The following MCF2L2 variants were observed in gnomAD, a reference collection of about 807,000 sequenced individuals.
MCF2L2 encodes probable guanine nucleotide exchange factor MCF2L2.
In MCF2L2, 102 loss-of-function variants were observed where a neutral mutation model predicts 150.2. That is an observed-to-expected ratio of 0.68 (90% CI 0.58 to 0.80). The LOEUF (loss-of-function observed/expected upper bound fraction) is 0.80, where lower values mean the gene tolerates loss of function less well. MCF2L2 is among the 30% of genes least tolerant of loss of function. MCF2L2 has a pLI of 0.00. For synonymous variants in MCF2L2, 465 were observed against 491.3 expected, an observed-to-expected ratio of 0.95 and a Z score of 0.71; for missense variants, 1,256 against 1,372.8, an observed-to-expected ratio of 0.91 and a Z score of 1.34.
rs541742143 is a variant in MCF2L2 at position 183,181,452 on chromosome 3, A to C, written c.3017-1293T>G. On this transcript the variant is annotated intron_variant, in intron 27 of 29. Coordinates refer to ENST00000328913, the MANE Select transcript of MCF2L2 (RefSeq NM_015078.4). The surrounding 1 kb of genome is among the most constrained non-coding windows in gnomAD (Gnocchi z 4.3). ...TCCTGGTTGAGTTCCTAGTCCCAGG[A>C]GGTGGGAGGGGCAAGGGGTGGAGGG... 6.6e-6 allele frequency among the ~76,000 whole-genome samples: 1 copy of C among 151,842 alleles called. No homozygotes were observed. Among genetic ancestry groups the C allele is most frequent in the African/African-American group, 2.4e-5 (1 of 41,440 alleles).
At position 183,305,900 on chromosome 3, in the gene MCF2L2, G is replaced by C. The variant is rs138444848; in HGVS notation, c.1113+3816C>G. Among the ~76,000 whole-genome samples, 14 of 152,316 alleles carry C rather than the reference G, an allele frequency of 9.2e-5. No individual in the cohort carries two copies. The highest frequency in any genetic ancestry group is 3.4e-4 in the African/African-American group (14 of 41,586). On this transcript the variant is annotated intron_variant, in intron 10 of 29. Transcript: ENST00000328913. This position sits in a 1 kb window ranked among gnomAD's most constrained non-coding sequence, Gnocchi z 4.1. ...CCCGGATTCAGCCACCACATGGCTG[G>C]AAGGTCACTATTACAGAATTGAAAG... is the stretch of plus-strand genomic sequence containing the variant.
At chr3:183,262,483 ATAT>A (rs1241194364) in intron 15 of MCF2L2, among the ~76,000 whole-genome samples, 2 of 152,118 alleles carry the variant, frequency 1.3e-5, no homozygotes, top group African/African-American at 4.8e-5. Context: ...TTGCATCAAA[ATAT>A]TATACTGACT....
intron 15 of MCF2L2, among the ~76,000 whole-genome samples, chr3:183,231,958 C>T (rs1723577049): frequency 6.6e-6 from 1 of 152,220 alleles, no homozygotes; most frequent in African/African-American, 2.4e-5. Context: ...TCTGGCCCCA[C>T]TGCACATACG....
At chr3:183,311,116 C>A in intron 8 of MCF2L2, 87 bp from the exon 9 acceptor site, 2 of 736,296 alleles carry the variant, frequency 2.7e-6, no homozygotes, top group South Asian at 1.6e-5. Context: ...ACACCTGTGT[C>A]TTCGGTCAGT....
At chr3:183,411,532 A>G (rs1441412057) in intron 1 of MCF2L2, among the ~76,000 whole-genome samples, 2 of 152,196 alleles carry the variant, frequency 1.3e-5, no homozygotes, top group Non-Finnish European at 2.9e-5. Context: ...TTGATCCTCA[A>G]TGATTTCAAG....
chr3:183,273,057 A>G (rs965339813), intron 15 of MCF2L2: 15 of 1,486,020 alleles, frequency 1.0e-5, no homozygotes, highest in African/African-American at 5.8e-5. Flanking sequence ...AAGTACTGAG[A>G]AGAGTATCTG....
intron 22 of MCF2L2, among the ~76,000 whole-genome samples, chr3:183,209,438 G>A (rs1308787649): frequency 6.6e-6 from 1 of 152,136 alleles, no homozygotes; most frequent in Non-Finnish European, 1.5e-5. Context: ...CACATGTGAT[G>A]GGTGGCAGTC....
intron 25 of MCF2L2, among the ~76,000 whole-genome samples, chr3:183,200,589 T>C (rs1242074952): frequency 6.6e-6 from 1 of 152,260 alleles, no homozygotes; most frequent in Non-Finnish European, 1.5e-5. Flanking sequence ...TTCACTCTGA[T>C]GGTAGTTTCT....
chr3:183,415,188 A>AT (rs1715524459), intron 1 of MCF2L2, among the ~76,000 whole-genome samples: 4 of 143,132 alleles, frequency 2.8e-5, no homozygotes, highest in South Asian at 2.2e-4. Context: ...AGTTGAACTG[A>AT]ATTTTTTTTT....
At chr3:183,326,175 T>A (rs1730017056) in intron 5 of MCF2L2, among the ~76,000 whole-genome samples, 1 of 151,754 alleles carries the variant, frequency 6.6e-6, no homozygotes, top group Non-Finnish European at 1.5e-5. Context: ...ACAAATACGA[T>A]CAATTGATTT....
intron 21 of MCF2L2, among the ~76,000 whole-genome samples, chr3:183,216,566 A>AT (rs1560347165): frequency 2.0e-3 from 7 of 3,574 alleles, no homozygotes; most frequent in African/African-American, 5.2e-3. Flanking sequence ...ATATATATAT[A>AT]TATATATATA....
At chr3:183,357,592 A>C (rs143720802) in intron 3 of MCF2L2, among the ~76,000 whole-genome samples, 68 of 152,262 alleles carry the variant, frequency 4.5e-4, no homozygotes, top group African/African-American at 1.6e-3. Flanking sequence ...AGCATACGAC[A>C]CACCATTTAT....
At chr3:183,408,346 G>A (rs1715148399) in intron 1 of MCF2L2, among the ~76,000 whole-genome samples, 1 of 152,196 alleles carries the variant, frequency 6.6e-6, no homozygotes, top group Non-Finnish European at 1.5e-5. Flanking sequence ...TCTTATGTTT[G>A]CTTAATGTCT....
At chr3:183,243,586 A>C (rs1724125395) in intron 15 of MCF2L2, among the ~76,000 whole-genome samples, 1 of 152,178 alleles carries the variant, frequency 6.6e-6, no homozygotes, top group African/African-American at 2.4e-5. Context: ...GTTTTCTTCT[A>C]TCAGTTTGTC....
intron 13 of MCF2L2, among the ~76,000 whole-genome samples, chr3:183,293,519 CTCAATAA>C (rs1362484645): frequency 6.6e-6 from 1 of 152,108 alleles, no homozygotes; most frequent in Non-Finnish European, 1.5e-5. Flanking sequence ...CATTTGAAAA[CTCAATAA>C]TCATTCACGA....
chr3:183,335,515 A>G (rs1256399144), intron 5 of MCF2L2, among the ~76,000 whole-genome samples: 1 of 152,092 alleles, frequency 6.6e-6, no homozygotes, highest in Non-Finnish European at 1.5e-5. Context: ...AGGTGGGGCT[A>G]GGAGGTGATT....
At chr3:183,281,339 G>A (rs1460450272) in intron 14 of MCF2L2, among the ~76,000 whole-genome samples, 3 of 151,380 alleles carry the variant, frequency 2.0e-5, no homozygotes, top group South Asian at 2.1e-4. Context: ...CAGAACTGAC[G>A]GGCAAAAGAG....
chr3:183,327,022 T>A (rs1164335020), intron 5 of MCF2L2, among the ~76,000 whole-genome samples: 2 of 151,992 alleles, frequency 1.3e-5, no homozygotes, highest in African/African-American at 4.8e-5. Context: ...ACAGAGTCAC[T>A]AGTATTAAAA....
intron 1 of MCF2L2, among the ~76,000 whole-genome samples, chr3:183,425,245 G>A (rs1716100964): frequency 6.6e-6 from 1 of 152,128 alleles, no homozygotes. Flanking sequence ...TATGGGAGTG[G>A]GTGAAGAGAG....
Sources: allele counts gnomAD v4.1 joint callset (sites outside exome capture counted in the v4.1 genomes callset), GRCh38; gene constraint gnomAD v4.1.1; non-coding constraint Gnocchi (gnomAD v3.1); transcripts MANE v1.5; gene names NCBI Gene and HGNC (gene_info 2026-07-23, HGNC 2026-07-21).